The following TSHZ2 variants were observed in gnomAD, a reference collection of about 807,000 sequenced individuals.
TSHZ2 encodes teashirt homolog 2.
In TSHZ2, 21 loss-of-function variants were observed where a neutral mutation model predicts 74.4. The ratio of observed to expected loss-of-function variants is 0.28; its 90% CI spans 0.20 to 0.41. TSHZ2 has a LOEUF of 0.41. Among genes scored for constraint, TSHZ2 ranks in the 10% least tolerant of loss-of-function variants. The pLI is 1.00. For missense variants in TSHZ2, 1,244 were observed against 1,293.5 expected (o/e 0.96, Z 0.59); for synonymous variants, 540 against 515.3 (o/e 1.05, Z -0.65).
intron 1 of TSHZ2, among the ~76,000 whole-genome samples, chr20:52,986,113 C>G (rs967717107): frequency 6.6e-6 from 1 of 152,066 alleles, no homozygotes; most frequent in African/African-American, 2.4e-5. Flanking sequence ...AAATAATGGC[C>G]GGGCACAGTG....
intron 2 of TSHZ2, among the ~76,000 whole-genome samples, chr20:53,302,435 A>G (rs933274417): frequency 2.6e-5 from 4 of 152,224 alleles, no homozygotes; most frequent in Admixed American, 6.5e-5. Flanking sequence ...TAGTGAATGC[A>G]AAAGAAAAGG....
At chr20:53,112,248 C>T (rs915780871) in intron 1 of TSHZ2, among the ~76,000 whole-genome samples, 1 of 152,198 alleles carries the variant, frequency 6.6e-6, no homozygotes, top group Non-Finnish European at 1.5e-5. Context: ...GCCCCTAGCT[C>T]ATGTCCTATG....
intron 2 of TSHZ2, among the ~76,000 whole-genome samples, chr20:53,439,275 A>T (rs1050420642): frequency 1.6e-4 from 25 of 152,188 alleles, no homozygotes; most frequent in African/African-American, 5.8e-4. Context: ...AGACATCACA[A>T]ATCCTTCCAT....
chr20:53,410,550 C>A (rs974728173), intron 2 of TSHZ2, among the ~76,000 whole-genome samples: 2 of 151,138 alleles, frequency 1.3e-5, no homozygotes, highest in Admixed American at 6.6e-5. Context: ...TACATAACAA[C>A]CTAAGAAGAA....
rs150202901 is a variant in TSHZ2, at chr20:53,117,846, A to G, written c.41-135653A>G. Reference sequence around the variant, plus strand: ...TGGCCAAGCAGTGGACAAATTCAGTATGTTTCTCACTGCTTAATCCAATGT... The same window carrying G: ...TGGCCAAGCAGTGGACAAATTCAGTGTGTTTCTCACTGCTTAATCCAATGT... On this transcript the variant is annotated intron_variant, in intron 1 of 2. Transcript: ENST00000371497. 8.7e-3 allele frequency among the ~76,000 whole-genome samples: 1,328 copies of G among 152,294 alleles called. 9 individuals are homozygous for G. Among genetic ancestry groups the G allele is most frequent in the Non-Finnish European group, 0.014 (977 of 68,022 alleles).
chr20:53,338,248 A>C (rs1980036733), intron 2 of TSHZ2, among the ~76,000 whole-genome samples: 12 of 152,202 alleles, frequency 7.9e-5, no homozygotes, highest in Admixed American at 7.9e-4. Flanking sequence ...TTTAGTATAA[A>C]AAGAGTGATG....
intron 2 of TSHZ2, among the ~76,000 whole-genome samples, chr20:53,360,175 G>T (rs1050269144): frequency 6.6e-6 from 1 of 152,318 alleles, no homozygotes; most frequent in South Asian, 2.1e-4. Flanking sequence ...AGGGGGAAAT[G>T]ATACACTTTG....
At chr20:53,181,655 G>A (rs1406000438) in intron 1 of TSHZ2, among the ~76,000 whole-genome samples, 4 of 152,124 alleles carry the variant, frequency 2.6e-5, no homozygotes, top group Non-Finnish European at 5.9e-5. Context: ...TTGGGAGGCC[G>A]AGGCGGGCAG....
chr20:53,472,084 T>C (rs6097430), intron 2 of TSHZ2, among the ~76,000 whole-genome samples: 30,751 of 152,032 alleles, frequency 0.2, 3,286 homozygotes, highest in East Asian at 0.3. Context: ...GGACTACAGG[T>C]GTGAGCCCGC....
chr20:53,181,576 C>A (rs1014931553), intron 1 of TSHZ2, among the ~76,000 whole-genome samples: 1 of 152,088 alleles, frequency 6.6e-6, no homozygotes, highest in African/African-American at 2.4e-5. Context: ...AGTAGGGGGT[C>A]GTTGCTTTTA....
intron 1 of TSHZ2, among the ~76,000 whole-genome samples, chr20:53,014,239 T>A (rs1024401429): frequency 2.6e-5 from 4 of 151,650 alleles, no homozygotes; most frequent in Admixed American, 2.6e-4. Context: ...CGAGTGCACA[T>A]CCTCATGTCT....
chr20:53,308,643 C>T (rs1978648439), intron 2 of TSHZ2, among the ~76,000 whole-genome samples: 1 of 152,124 alleles, frequency 6.6e-6, no homozygotes, highest in South Asian at 2.1e-4. Flanking sequence ...GCCTGGAGGG[C>T]AGTTAAAAAG....
intron 2 of TSHZ2, among the ~76,000 whole-genome samples, chr20:53,469,919 AAGGCAGGCAGGC>A (rs542838293): frequency 4.9e-5 from 5 of 101,250 alleles, no homozygotes; most frequent in Non-Finnish European, 8.7e-5. Context: ...GGAAGGAAGG[AAGGCAGGCAGGC>A]AGGCAGGCAG....
intron 2 of TSHZ2, among the ~76,000 whole-genome samples, chr20:53,437,019 G>A (rs190707813): frequency 6.6e-6 from 1 of 152,236 alleles, no homozygotes; most frequent in East Asian, 1.9e-4. Context: ...ACCTCCTCCA[G>A]AAAGGCTCCT....
intron 2 of TSHZ2, among the ~76,000 whole-genome samples, chr20:53,315,756 G>A (rs566553574): frequency 1.1e-3 from 161 of 152,272 alleles, no homozygotes; most frequent in Non-Finnish European, 1.9e-3. Context: ...GTTCTAGCAT[G>A]GAAAACAGAT....
intron 1 of TSHZ2, among the ~76,000 whole-genome samples, chr20:53,170,418 T>G (rs1303489347): frequency 2.6e-5 from 4 of 152,242 alleles, no homozygotes; most frequent in African/African-American, 9.7e-5. Context: ...TGAGTCTGCT[T>G]CCTTAGAAGT....
intron 1 of TSHZ2, among the ~76,000 whole-genome samples, chr20:53,131,854 A>C (rs1987112576): frequency 7.4e-6 from 1 of 134,774 alleles, no homozygotes; most frequent in African/African-American, 2.7e-5. Context: ...AAGCCACACT[A>C]GCAATCCTAG....
At chr20:52,989,500 C>T (rs1427469834) in intron 1 of TSHZ2, among the ~76,000 whole-genome samples, 1 of 152,156 alleles carries the variant, frequency 6.6e-6, no homozygotes, top group Non-Finnish European at 1.5e-5. Context: ...AATAATTAAG[C>T]TTTACAAATA....
At chr20:53,046,819 G>A (rs1301741184) in intron 1 of TSHZ2, among the ~76,000 whole-genome samples, 14 of 152,104 alleles carry the variant, frequency 9.2e-5, no homozygotes, top group Non-Finnish European at 7.4e-5. Flanking sequence ...ACTAACCTGT[G>A]GTGTTGGGAA....
Sources: allele counts gnomAD v4.1 joint callset (sites outside exome capture counted in the v4.1 genomes callset), GRCh38; gene constraint gnomAD v4.1.1; transcripts MANE v1.5; gene names NCBI Gene and HGNC (gene_info 2026-07-23, HGNC 2026-07-21).